TXLNB: variants seen among roughly 807,000 people sequenced by gnomAD.
TXLNB encodes the protein beta-taxilin.
In TXLNB, 37 loss-of-function variants were observed where a neutral mutation model predicts 57.4. The ratio of observed to expected loss-of-function variants is 0.64; its 90% confidence interval spans 0.50 to 0.85. The LOEUF (loss-of-function observed/expected upper bound fraction) is 0.85, where lower values mean the gene tolerates loss of function less well. Among genes scored for constraint, TXLNB ranks in the 40% least tolerant of loss-of-function variants. The pLI is 0.00. For missense variants in TXLNB, 848 were observed against 825.6 expected, an observed-to-expected ratio of 1.03 and a Z score of -0.33; for synonymous variants, 302 against 309.6, an observed-to-expected ratio of 0.98 and a Z score of 0.26.
At chr6:139,316,604 T>C in the TXLNB span, among the ~76,000 whole-genome samples, 1 of 152,244 alleles carries the variant, frequency 6.6e-6, no homozygotes, top group Non-Finnish European at 1.5e-5. Flanking sequence ...TGATCTTGAA[T>C]AAAGTCTTCC....
the TXLNB span, among the ~76,000 whole-genome samples, chr6:139,160,067 A>T: frequency 1.3e-5 from 2 of 152,174 alleles, no homozygotes; most frequent in East Asian, 3.8e-4. Flanking sequence ...AAAGCTGGGG[A>T]GACAGGATAG....
At chr6:139,197,731 T>C in the TXLNB span, 7 of 152,294 alleles carry the variant, frequency 4.6e-5, no homozygotes, top group South Asian at 1.5e-3. Context: ...AACAGAAATT[T>C]ATTGACTCAT....
chr6:139,299,660 T>C, the TXLNB span, among the ~76,000 whole-genome samples: 11 of 152,112 alleles, frequency 7.2e-5, no homozygotes, highest in Non-Finnish European at 1.6e-4. Flanking sequence ...AGATGCCTTG[T>C]TACCTAACTC....
the TXLNB span, among the ~76,000 whole-genome samples, chr6:139,162,731 C>T: frequency 1.3e-5 from 2 of 152,222 alleles, no homozygotes; most frequent in East Asian, 1.9e-4. Flanking sequence ...CACATTGCCA[C>T]CACCCTCTGC....
At chr6:139,252,984 A>T (rs969582694) in intron 7 of TXLNB, among the ~76,000 whole-genome samples, 1 of 152,080 alleles carries the variant, frequency 6.6e-6, no homozygotes, top group Non-Finnish European at 1.5e-5. Context: ...AGAGTGAGAC[A>T]CCGTCTCAAA....
chr6:139,299,796 A>G, the TXLNB span, among the ~76,000 whole-genome samples: 3 of 151,882 alleles, frequency 2.0e-5, no homozygotes, highest in African/African-American at 7.3e-5. Context: ...AGCCACCCTG[A>G]TCTGTCCTTA....
At chr6:139,167,457 T>G in the TXLNB span, 6 of 753,496 alleles carry the variant, frequency 8.0e-6, no homozygotes, top group Non-Finnish European at 1.3e-5. Context: ...AGGTAACATT[T>G]GAATATTTCA....
Position 139,276,829 on chromosome 6 carries a change from C to T in TXLNB, c.516+1G>A, listed in dbSNP as rs762142081. ...GAAAAGAAGCTAATCCAAGATCTTA[C>T]CAATTCAGCATACTTCTTGAATAAA... On this transcript the variant is annotated splice_donor_variant, in intron 3 of 9. Transcript: ENST00000358430. LOFTEE classifies it high-confidence loss of function. 1.1e-5 allele frequency: 17 copies of T among 1,604,538 alleles called. No individual in the cohort carries two copies. The highest frequency in any genetic ancestry group is 1.7e-5 in the Admixed American group (1 of 57,692).
At chr6:139,203,182 G>T in the TXLNB span, among the ~76,000 whole-genome samples, 12 of 151,748 alleles carry the variant, frequency 7.9e-5, no homozygotes, top group Non-Finnish European at 1.3e-4. Flanking sequence ...ATAAATGTGG[G>T]GGTGCAGATA....
rs777316996 is a variant in TXLNB at position 139,243,175 on chromosome 6, T to C, written c.1406A>G (p.Gln469Arg). Residue 469 changes from glutamine to arginine, a missense_variant, in exon 10 of 10, where the codon CAA becomes CGA. Physicochemically the swap from Gln to Arg is conservative, Grantham distance 43. Coordinates refer to ENST00000358430, the MANE Select transcript of TXLNB (RefSeq NM_153235.4). The part of the protein sequence containing the change: ...RDAEISEKDD[Q>R]SQHNSDEEPE... ...CTCTTCATCGGAGTTGTGCTGACTTTGGTCATCCTTTTCAGATATTTCTGC... is the reference window on the plus strand; with the variant it reads ...CTCTTCATCGGAGTTGTGCTGACTTCGGTCATCCTTTTCAGATATTTCTGC... 1.9e-6 allele frequency: 3 copies of C among 1,614,250 alleles called. No individual in the cohort carries two copies. The highest frequency in any genetic ancestry group is 1.7e-5 in the Admixed American group (1 of 60,030).
chr6:139,294,816 T>C (rs12524691), upstream of TXLNB, among the ~76,000 whole-genome samples: 60,257 of 151,876 alleles, frequency 0.4, 14,787 homozygotes, highest in African/African-American at 0.7. Context: ...ATGGTGAAAC[T>C]CCATCTCTAC....
chr6:139,301,923 G>T, the TXLNB span, among the ~76,000 whole-genome samples: 1 of 152,020 alleles, frequency 6.6e-6, no homozygotes, highest in Non-Finnish European at 1.5e-5. Context: ...CCCTTGACAG[G>T]CTGATAATAT....
chr6:139,280,247 T>A, intron 2 of TXLNB, among the ~76,000 whole-genome samples: 1 of 89,434 alleles, frequency 1.1e-5, no homozygotes. Context: ...CAAGACTCTC[T>A]CTCTAAAAAA....
In TXLNB at chr6:139,243,155, C is replaced by T. The variant is rs936788375; in HGVS notation, c.1426G>A (p.Glu476Lys). 1 of 1,614,082 alleles carries T rather than the reference C, an allele frequency of 6.2e-7. No individual in the cohort carries two copies. Among genetic ancestry groups the T allele is most frequent in the African/African-American group, 1.3e-5 (1 of 74,922 alleles). ...ACAGAGACGTTTGACTCTGGCTCTT[C>T]ATCGGAGTTGTGCTGACTTTGGTCA... The part of the protein sequence containing the change: ...KDDQSQHNSD[E>K]EPESNVSVDQ... The change falls in exon 10 of 10, where the codon GAA becomes AAA. Residue 476 changes from glutamate (E) to lysine (K), a missense_variant. Physicochemically the swap from Glu to Lys is moderately conservative, Grantham distance 56. Coordinates refer to ENST00000358430, the MANE Select transcript of TXLNB (RefSeq NM_153235.4).
rs1190556124 is a variant in TXLNB at position 139,288,728 on chromosome 6, C to T, written c.172G>A (p.Glu58Lys). 1 of 1,614,186 alleles carries T rather than the reference C, an allele frequency of 6.2e-7. No individual in the cohort carries two copies. Among genetic ancestry groups the T allele is most frequent in the African/African-American group, 1.3e-5 (1 of 75,060 alleles). Residue 58 changes from glutamate (E) to lysine (K), a missense_variant, in exon 2 of 10, where the codon GAG (glutamate) becomes AAG (lysine). By Grantham distance (56) the Glu-to-Lys change is moderately conservative. Transcript: ENST00000358430. ...ATGTCTTCCAGCTGTCGATTCAGCT[C>T]TTCAGAGATATCGGGGTGCACACTT... is the stretch of plus-strand genomic sequence containing the variant. ...EASVHPDISE[E>K]LNRQLEDIIN...
chr6:139,166,120 T>C, the TXLNB span: 1 of 605,528 alleles, frequency 1.7e-6, no homozygotes. Context: ...CTTCATCATA[T>C]TATTCCCTGG....
In TXLNB at chr6:139,244,952, T is replaced by C. The variant is rs556243727; in HGVS notation, c.1171-262A>G. Among the ~76,000 whole-genome samples, 195 of 152,346 alleles carry C rather than the reference T, an allele frequency of 1.3e-3. 1 individual carries two copies. The highest frequency in any genetic ancestry group is 4.5e-3 in the African/African-American group (188 of 41,580). ...AGGGGCACATGGTTTTGTCACTGCT[T>C]TTTCTTTCATTTAAAAGAAGAATAT... On this transcript the variant is annotated intron_variant, in intron 8 of 9. Coordinates refer to ENST00000358430, the MANE Select transcript of TXLNB (RefSeq NM_153235.4).
intron 1 of TXLNB, among the ~76,000 whole-genome samples, chr6:139,290,205 C>T (rs903331117): frequency 6.6e-6 from 1 of 152,036 alleles, no homozygotes; most frequent in Non-Finnish European, 1.5e-5. Flanking sequence ...CATGGTGAAA[C>T]CCTGTCTCTA....
At chr6:139,263,929 T>C (rs1776549469) in intron 4 of TXLNB, among the ~76,000 whole-genome samples, 1 of 152,196 alleles carries the variant, frequency 6.6e-6, no homozygotes, top group Non-Finnish European at 1.5e-5. Context: ...GTACAGACCT[T>C]TATCATAACA....
Sources: gnomAD v4.1 joint callset for allele counts (sites outside exome capture counted in the v4.1 genomes callset) on GRCh38, gnomAD v4.1.1 for gene constraint, MANE v1.5 for transcripts, NCBI Gene and HGNC (gene_info 2026-07-23, HGNC 2026-07-21) for gene names.